C12orf56: variants seen among roughly 807,000 people sequenced by gnomAD.
The protein encoded by C12orf56 is uncharacterized protein C12orf56.
C12orf56 carries 71 observed loss-of-function variants against 69.9 expected under a neutral mutation model. That is an observed-to-expected ratio of 1.02 (90% CI 0.84 to 1.24). The LOEUF is 1.24. Among genes scored for constraint, C12orf56 ranks in the 50% most tolerant of loss-of-function variants. C12orf56 has a pLI of 0.00. For synonymous variants in C12orf56, 276 were observed against 274.1 expected, an observed-to-expected ratio of 1.01 and a Z score of -0.07; for missense variants, 732 against 738.5, an observed-to-expected ratio of 0.99 and a Z score of 0.10.
At position 64,333,459 on chromosome 12, in the gene C12orf56, G is replaced by A. The variant is rs151066717; in HGVS notation, c.416-2427C>T. 7.9e-3 allele frequency among the ~76,000 whole-genome samples: 1,201 copies of A among 151,128 alleles called. 5 individuals carry two copies. The highest frequency in any genetic ancestry group is 9.3e-3 in the Non-Finnish European group (632 of 67,776). ...AAAAAAAAACAACTTTAGTGTTCAC[G>A]TCCCTGCCTCTTTCTATGTTAGCTT... On this transcript the variant is annotated intron_variant, in intron 2 of 12. Coordinates refer to ENST00000543942, the MANE Select transcript of C12orf56 (RefSeq NM_001170633.2).
intron 1 of C12orf56, among the ~76,000 whole-genome samples, chr12:64,387,229 T>G (rs1425029978): frequency 6.6e-6 from 1 of 152,072 alleles, no homozygotes; most frequent in Non-Finnish European, 1.5e-5. Context: ...TGTAACATAT[T>G]CACAGGTTCC....
chr12:64,284,188 G>A (rs147606418), intron 8 of C12orf56, among the ~76,000 whole-genome samples: 257 of 152,188 alleles, frequency 1.7e-3, no homozygotes, highest in African/African-American at 6.0e-3. Flanking sequence ...GTGAGCCACC[G>A]TGCCTGGCCT....
intron 1 of C12orf56, among the ~76,000 whole-genome samples, chr12:64,358,486 ATCATCATCATCATCATC>A (rs1565773492): frequency 6.9e-4 from 101 of 145,420 alleles, no homozygotes; most frequent in African/African-American, 9.4e-4. Flanking sequence ...AATAATAATC[ATCATCATCATCATCATC>A]ATCATCTTGG....
intron 1 of C12orf56, among the ~76,000 whole-genome samples, chr12:64,358,479 A>ATCATC (rs1565773423): frequency 3.2e-3 from 81 of 25,076 alleles, no homozygotes; most frequent in African/African-American, 4.7e-3. Context: ...TAATAATAAT[A>ATCATC]ATAATCATCA....
intron 1 of C12orf56, among the ~76,000 whole-genome samples, chr12:64,354,001 T>C (rs1370480334): frequency 2.6e-5 from 4 of 152,266 alleles, no homozygotes; most frequent in Non-Finnish European, 5.9e-5. Flanking sequence ...TTAAAAATAA[T>C]TTTTTCATAA....
At chr12:64,355,361 T>C (rs61931525) in intron 1 of C12orf56, among the ~76,000 whole-genome samples, 15,571 of 152,156 alleles carry the variant, frequency 0.1, 1,037 homozygotes, top group Middle Eastern at 0.21. Flanking sequence ...AACCAGTTAA[T>C]GAATTTGTAC....
chr12:64,276,585 C>G, intron 9 of C12orf56, among the ~76,000 whole-genome samples: 1 of 152,094 alleles, frequency 6.6e-6, no homozygotes, highest in East Asian at 1.9e-4. Context: ...TGAATAATGT[C>G]TGTCTCTCCC....
At chr12:64,286,786 T>C (rs17100272) in intron 6 of C12orf56, among the ~76,000 whole-genome samples, 3,277 of 152,306 alleles carry the variant, frequency 0.022, 112 homozygotes, top group African/African-American at 0.075. Context: ...AGTGACAATT[T>C]AGGCTTTTTG....
intron 4 of C12orf56, among the ~76,000 whole-genome samples, chr12:64,316,459 A>C (rs1412051985): frequency 6.6e-6 from 1 of 152,172 alleles, no homozygotes; most frequent in Non-Finnish European, 1.5e-5. Context: ...AGTAGTGTGC[A>C]GCAGAGCTTC....
At chr12:64,370,588 T>A (rs2039557514) in intron 1 of C12orf56, among the ~76,000 whole-genome samples, 1 of 150,922 alleles carries the variant, frequency 6.6e-6, no homozygotes, top group Non-Finnish European at 1.5e-5. Flanking sequence ...GAGGCAGAGG[T>A]TGCAGTGAGC....
intron 1 of C12orf56, among the ~76,000 whole-genome samples, chr12:64,358,107 C>T (rs187748042): frequency 2.6e-5 from 4 of 152,136 alleles, no homozygotes; most frequent in African/African-American, 9.6e-5. Context: ...CAAAAGATTA[C>T]ATACCAAAAG....
At chr12:64,339,223 C>T (rs2039040269) in intron 2 of C12orf56, among the ~76,000 whole-genome samples, 1 of 152,232 alleles carries the variant, frequency 6.6e-6, no homozygotes, top group East Asian at 1.9e-4. Context: ...TGTTAACCTG[C>T]CTTTTCTCAG....
At chr12:64,341,993 G>C (rs531942015) in intron 2 of C12orf56, among the ~76,000 whole-genome samples, 1 of 152,312 alleles carries the variant, frequency 6.6e-6, no homozygotes, top group South Asian at 2.1e-4. Flanking sequence ...AAGAGGCTTA[G>C]TGGTGTCCAC....
chr12:64,350,085 C>T (rs1443685432), intron 2 of C12orf56, among the ~76,000 whole-genome samples: 5 of 121,488 alleles, frequency 4.1e-5, no homozygotes, highest in Admixed American at 9.4e-5. Context: ...GAGCAAGACT[C>T]AGTCTCAGAA....
intron 2 of C12orf56, among the ~76,000 whole-genome samples, chr12:64,341,712 G>T (rs957855541): frequency 1.3e-5 from 2 of 152,154 alleles, no homozygotes; most frequent in African/African-American, 4.8e-5. Flanking sequence ...ATTCTGATGA[G>T]GACAAACCTC....
At chr12:64,347,885 G>C (rs1419296773) in intron 2 of C12orf56, among the ~76,000 whole-genome samples, 3 of 152,178 alleles carry the variant, frequency 2.0e-5, no homozygotes, top group Non-Finnish European at 2.9e-5. Flanking sequence ...TTTTGAATTA[G>C]ATAAGATAAA....
chr12:64,325,349 C>A (rs1001617124), intron 3 of C12orf56, among the ~76,000 whole-genome samples: 19 of 126,222 alleles, frequency 1.5e-4, no homozygotes, highest in Non-Finnish European at 2.1e-4. Flanking sequence ...GGCAGCAGAG[C>A]AAGACCCTGT....
intron 3 of C12orf56, among the ~76,000 whole-genome samples, chr12:64,328,692 AAAAAAAAAAAAAAAATATATATAT>A (rs1298386926): frequency 1.4e-3 from 27 of 19,580 alleles, no homozygotes; most frequent in African/African-American, 4.5e-3. Flanking sequence ...AAAAAAAAAA[AAAAAAAAAAAAAAAATATATATAT>A]ATATATATAT....
chr12:64,353,732 A>G (rs1483734249), intron 1 of C12orf56, among the ~76,000 whole-genome samples: 1 of 152,064 alleles, frequency 6.6e-6, no homozygotes, highest in East Asian at 1.9e-4. Flanking sequence ...CCCAGCCTGG[A>G]GTGCAATGGC....
Sources: gnomAD v4.1 joint callset for allele counts (sites outside exome capture counted in the v4.1 genomes callset) on GRCh38, gnomAD v4.1.1 for gene constraint, MANE v1.5 for transcripts, NCBI Gene and HGNC (gene_info 2026-07-23, HGNC 2026-07-21) for gene names.